Variants in IQSEC1 observed in about 807,000 individuals in gnomAD.
IQSEC1 encodes the protein IQ motif and SEC7 domain-containing protein 1.
Under a neutral mutation model 91.0 loss-of-function variants are expected in IQSEC1, and 31 were observed. That is an observed-to-expected ratio of 0.34 (90% CI 0.26 to 0.46). IQSEC1 has a LOEUF of 0.46. Ranked by LOEUF, IQSEC1 falls within the 20% of genes least tolerant of loss-of-function variation. The probability of loss-of-function intolerance (pLI) is 1.00; values close to 1 mark genes in which losing one functional copy is unlikely to be tolerated. For synonymous variants in IQSEC1, 699 were observed against 662.6 expected, an observed-to-expected ratio of 1.05 and a Z score of -0.84; for missense variants, 1,388 against 1,575.6, an observed-to-expected ratio of 0.88 and a Z score of 2.02.
rs34479581 is a variant in IQSEC1 at position 13,154,449 on chromosome 3, A to ATCTATCTATCTATCTATCTATC, written c.302+9654_302+9655insGATAGATAGATAGATAGATAGA. On this transcript the variant is annotated intron_variant, in intron 2 of 15. Transcript: ENST00000648114. Reference sequence around the variant, plus strand: ...CTGGAACTTACATGCATATATATATATATATATATATATATATATATATAT... The same window carrying ATCTATCTATCTATCTATCTATC: ...CTGGAACTTACATGCATATATATATATCTATCTATCTATCTATCTATCTATATATATATATATATATATATAT... 1.7e-4 allele frequency among the ~76,000 whole-genome samples: 17 copies of ATCTATCTATCTATCTATCTATC among 99,158 alleles called. 3 individuals are homozygous for ATCTATCTATCTATCTATCTATC. Among genetic ancestry groups the ATCTATCTATCTATCTATCTATC allele is most frequent in the African/African-American group, 6.5e-4 (17 of 26,332 alleles). 65.1% of individuals were successfully genotyped at this position (99,158 alleles called of 152,430 possible).
intron 2 of IQSEC1, among the ~76,000 whole-genome samples, chr3:13,080,293 C>T (rs1171010459): frequency 6.6e-6 from 1 of 151,922 alleles, no homozygotes; most frequent in African/African-American, 2.4e-5. Flanking sequence ...TGCACTGAGG[C>T]ATGAGAGTGG....
At position 12,903,828 on chromosome 3, in the gene IQSEC1, A is replaced by T. The variant is rs531484890; in HGVS notation, c.2756-1006T>A. On this transcript the variant is annotated intron_variant, in intron 12 of 13. Transcript: ENST00000613206. The stretch of plus-strand genomic sequence containing the variant: ...AAGCTTCCATCTGGGCAGCATCACC[A>T]TGTATTGAGCGCTGCGCTGGACATG... Among the ~76,000 whole-genome samples, 16 of 152,214 alleles carry T rather than the reference A, an allele frequency of 1.1e-4. No individual in the cohort carries two copies. In the South Asian group the frequency reaches 3.3e-3, roughly 32 times the overall value.
At chr3:13,030,580 A>G (rs1394104583) in intron 1 of IQSEC1, among the ~76,000 whole-genome samples, 2 of 152,258 alleles carry the variant, frequency 1.3e-5, no homozygotes, top group Non-Finnish European at 2.9e-5. Flanking sequence ...TCATGAGGCA[A>G]TCAGCCTAAT....
chr3:13,218,727 G>GGTGT (rs1338086455), intron 1 of IQSEC1, among the ~76,000 whole-genome samples: 2 of 152,180 alleles, frequency 1.3e-5, no homozygotes, highest in Non-Finnish European at 2.9e-5. Flanking sequence ...CACCCTCAAG[G>GGTGT]GTGTGCACTG....
At chr3:12,944,272 G>A (rs1057386898) in intron 1 of IQSEC1, among the ~76,000 whole-genome samples, 1 of 152,198 alleles carries the variant, frequency 6.6e-6, no homozygotes, top group Admixed American at 6.5e-5. Context: ...GGGCGAGGGG[G>A]AGAACAGGCA....
chr3:13,205,879 TC>T (rs1196918803), intron 1 of IQSEC1, among the ~76,000 whole-genome samples: 1 of 130,470 alleles, frequency 7.7e-6, no homozygotes, highest in African/African-American at 2.9e-5. Flanking sequence ...CACTCATCGA[TC>T]CCCCCATTCA....
intron 1 of IQSEC1, among the ~76,000 whole-genome samples, chr3:13,258,037 G>A (rs551584015): frequency 2.6e-5 from 4 of 152,330 alleles, no homozygotes; most frequent in Admixed American, 6.5e-5. Flanking sequence ...AAGCTTCAAT[G>A]CATATGACTA....
chr3:13,202,173 G>A (rs1314870635), intron 1 of IQSEC1, among the ~76,000 whole-genome samples: 1 of 152,214 alleles, frequency 6.6e-6, no homozygotes, highest in East Asian at 1.9e-4. Context: ...GCAAGGATGT[G>A]AAGAAATTGG....
intron 2 of IQSEC1, among the ~76,000 whole-genome samples, chr3:13,080,574 A>G (rs1400380972): frequency 6.6e-6 from 1 of 151,996 alleles, no homozygotes; most frequent in Non-Finnish European, 1.5e-5. Context: ...TGAGGGGTGA[A>G]GAGAGGTCAG....
chr3:12,902,670 C>A (rs6791577), intron 13 of IQSEC1, 103 bp downstream of exon 13: 41,401 of 186,570 alleles, frequency 0.22, 5,997 homozygotes, highest in African/African-American at 0.36. Context: ...AAAAAAAAAC[C>A]AAAAAAAAAA....
chr3:13,253,632 A>G (rs1158195865), intron 1 of IQSEC1, among the ~76,000 whole-genome samples: 3 of 152,250 alleles, frequency 2.0e-5, no homozygotes, highest in Admixed American at 2.0e-4. Flanking sequence ...CTAAAAGGCA[A>G]AATGTGAGTG....
In IQSEC1 at chr3:13,230,966, G is replaced by C. The variant is rs1393862824; in HGVS notation, c.272+51745C>G. 3.9e-5 allele frequency among the ~76,000 whole-genome samples: 6 copies of C among 152,258 alleles called. No homozygotes were observed. The East Asian group carries it at 1.2e-3, about 29-fold the overall frequency. On this transcript the variant is annotated intron_variant, in intron 1 of 15. Transcript: ENST00000648114. ...ACATCATCTTGTTCCTTCTTAAAAG[G>C]AGGTATCCATTTGTAAACTGCTGAT...
intron 1 of IQSEC1, among the ~76,000 whole-genome samples, chr3:13,247,275 G>A (rs1487668985): frequency 6.6e-6 from 1 of 152,116 alleles, no homozygotes; most frequent in Non-Finnish European, 1.5e-5. Flanking sequence ...GACACCCCCA[G>A]GACGTGCTGG....
In IQSEC1 at chr3:12,967,884, A is replaced by G. The variant is rs1490184743; in HGVS notation, c.24-26019T>C. Among the ~76,000 whole-genome samples the G allele has an allele frequency of 1.2e-5, 1 of 83,506 alleles. No homozygotes were observed. The highest frequency in any genetic ancestry group is 2.3e-5 in the Non-Finnish European group (1 of 43,402). The allele number at this position is 83,506 out of a possible 152,430, so 54.8% of individuals were successfully genotyped here. ...GGCCACACGGCGCCGCGGAAGAAGC[A>G]CAGGGGGCGGGGGGTCAGGGGCGGG... On this transcript the variant is annotated intron_variant, in intron 1 of 13. Coordinates refer to ENST00000613206, the MANE Select transcript of IQSEC1 (RefSeq NM_001134382.3). This position sits in a 1 kb window ranked among gnomAD's most constrained non-coding sequence, Gnocchi z 5.9.
At position 13,009,044 on chromosome 3, in the gene IQSEC1, C is replaced by T. The variant is rs369205381; in HGVS notation, c.23+63948G>A. ...CTGAGATCGACAGCCCTTTTCCTCTCCAGGGTTCCAAGGCTGTGATTCCGA... is the reference window on the plus strand; with the variant it reads ...CTGAGATCGACAGCCCTTTTCCTCTTCAGGGTTCCAAGGCTGTGATTCCGA... On this transcript the variant is annotated intron_variant, in intron 1 of 13. Transcript: ENST00000613206. 5.9e-5 allele frequency among the ~76,000 whole-genome samples: 9 copies of T among 152,340 alleles called. No homozygotes were observed. In the East Asian group the frequency reaches 1.4e-3, roughly 23 times the overall value.
Position 12,940,834 on chromosome 3 carries a change from C to T in IQSEC1, c.318+737G>A, listed in dbSNP as rs941152441. ...ACCTGCACTTGGAGGGACTTGGAAG[C>T]GAGAGCTCTTGGCCTCCCCAGGGAC... is the stretch of plus-strand genomic sequence containing the variant. On this transcript the variant is annotated intron_variant, in intron 2 of 13. Coordinates refer to ENST00000613206, the MANE Select transcript of IQSEC1 (RefSeq NM_001134382.3). The surrounding 1 kb of genome is among the most constrained non-coding windows in gnomAD (Gnocchi z 4.4). Among the ~76,000 whole-genome samples the T allele has an allele frequency of 2.6e-5, 4 of 152,212 alleles. No individual in the cohort carries two copies. The highest frequency in any genetic ancestry group is 4.8e-5 in the African/African-American group (2 of 41,460).
intron 1 of IQSEC1, among the ~76,000 whole-genome samples, chr3:12,982,003 C>A (rs1051848799): frequency 1.4e-4 from 22 of 152,242 alleles, no homozygotes; most frequent in Admixed American, 1.3e-3. Context: ...CAGATGGTTT[C>A]TGTGTGACCT....
intron 1 of IQSEC1, among the ~76,000 whole-genome samples, chr3:13,046,234 CA>C (rs1452103502): frequency 6.6e-6 from 1 of 152,224 alleles, no homozygotes; most frequent in Non-Finnish European, 1.5e-5. Context: ...TTTCACAAAG[CA>C]AAGGAAGTAC....
intron 2 of IQSEC1, among the ~76,000 whole-genome samples, chr3:13,090,659 A>G (rs1705844099): frequency 6.6e-6 from 1 of 152,124 alleles, no homozygotes; most frequent in Admixed American, 6.6e-5. Flanking sequence ...AGCCCACCAC[A>G]TCCCGAGAGC....
Sources: allele counts gnomAD v4.1 joint callset (sites outside exome capture counted in the v4.1 genomes callset), GRCh38; gene constraint gnomAD v4.1.1; non-coding constraint Gnocchi (gnomAD v3.1); transcripts MANE v1.5; gene names NCBI Gene and HGNC (gene_info 2026-07-23, HGNC 2026-07-21).